Variants in NKAIN3 observed in about 807,000 individuals in gnomAD.
NKAIN3 encodes sodium/potassium transporting ATPase interacting 3.
A neutral mutation model predicts 30.2 loss-of-function variants in NKAIN3; 25 were observed. That is an observed-to-expected ratio of 0.83 (90% CI 0.60 to 1.16). NKAIN3 has a LOEUF of 1.16. NKAIN3 is among the 50% of genes most tolerant of loss of function. NKAIN3 has a pLI of 0.00. For missense variants in NKAIN3, 225 were observed against 254.1 expected, an observed-to-expected ratio of 0.89 and a Z score of 0.78; for synonymous variants, 91 against 89.6, an observed-to-expected ratio of 1.02 and a Z score of -0.09.
At chr8:62,850,629 T>C (rs1819864264) in intron 4 of NKAIN3, among the ~76,000 whole-genome samples, 3 of 152,056 alleles carry the variant, frequency 2.0e-5, no homozygotes, top group South Asian at 4.2e-4. Flanking sequence ...AATTAATTTT[T>C]GTATAAGGTG....
At chr8:62,282,436 A>G (rs907532569) in intron 1 of NKAIN3, among the ~76,000 whole-genome samples, 1 of 152,094 alleles carries the variant, frequency 6.6e-6, no homozygotes, top group Admixed American at 6.6e-5. Flanking sequence ...ACCTCACTTT[A>G]TTAGAGCTTC....
At chr8:62,494,280 A>T (rs1310944011) in intron 1 of NKAIN3, among the ~76,000 whole-genome samples, 2 of 152,140 alleles carry the variant, frequency 1.3e-5, no homozygotes, top group East Asian at 3.9e-4. Context: ...TGAGATAATC[A>T]TGTGGTTTTT....
rs75836125 is a variant in NKAIN3, at chr8:62,480,425, G to A, written c.55-99114G>A. On this transcript the variant is annotated intron_variant, in intron 1 of 6. Coordinates refer to ENST00000623646, the MANE Select transcript of NKAIN3 (RefSeq NM_001304533.3). Reference sequence around the variant, plus strand: ...AATCATACTTTAATAAAGCTGGGGGGAAAATCACTCCATAGCTTGCCATGT... The same window carrying A: ...AATCATACTTTAATAAAGCTGGGGGAAAAATCACTCCATAGCTTGCCATGT... Among the ~76,000 whole-genome samples the A allele has an allele frequency of 2.1e-3, 317 of 151,826 alleles. 2 individuals are homozygous for A. Among genetic ancestry groups the A allele is most frequent in the African/African-American group, 7.3e-3 (300 of 41,348 alleles).
At chr8:62,464,058 G>C (rs1422789171) in intron 1 of NKAIN3, among the ~76,000 whole-genome samples, 4 of 152,160 alleles carry the variant, frequency 2.6e-5, no homozygotes, top group African/African-American at 9.7e-5. Context: ...CCACATAAGT[G>C]ATTTAGTGAA....
chr8:62,425,608 T>G (rs895617995), intron 1 of NKAIN3, among the ~76,000 whole-genome samples: 5 of 151,960 alleles, frequency 3.3e-5, no homozygotes, highest in African/African-American at 1.2e-4. Context: ...GCTAAAGGAA[T>G]GTATTCTATT....
intron 1 of NKAIN3, among the ~76,000 whole-genome samples, chr8:62,339,980 A>C (rs2129590866): frequency 6.6e-6 from 1 of 152,182 alleles, no homozygotes; most frequent in South Asian, 2.1e-4. Flanking sequence ...TTATATCATT[A>C]GGACAAATAG....
intron 4 of NKAIN3, among the ~76,000 whole-genome samples, chr8:62,784,107 A>G (rs999510783): frequency 3.9e-5 from 6 of 152,124 alleles, no homozygotes; most frequent in African/African-American, 1.4e-4. Context: ...ATAACGTATC[A>G]AAATGTACAA....
At chr8:62,698,613 CT>C in intron 3 of NKAIN3, among the ~76,000 whole-genome samples, 1 of 152,168 alleles carries the variant, frequency 6.6e-6, no homozygotes, top group Non-Finnish European at 1.5e-5. Context: ...TACATATACT[CT>C]ACTGTGTACA....
Position 62,312,356 on chromosome 8 carries a change from T to A in NKAIN3, c.54+63229T>A, listed in dbSNP as rs116345749. On this transcript the variant is annotated intron_variant, in intron 1 of 6. Coordinates refer to ENST00000623646, the MANE Select transcript of NKAIN3 (RefSeq NM_001304533.3). ...GGGTTTGGAAGAAAATATTAGGCTC[T>A]TAAGCAAAAAATATTGATGAGCACT... Among the ~76,000 whole-genome samples, 1,444 of 150,746 alleles carry A rather than the reference T, an allele frequency of 9.6e-3. 139 individuals carry two copies. The highest frequency in any genetic ancestry group is 0.034 in the African/African-American group (1,369 of 40,084).
chr8:62,673,028 G>T (rs1428636890), intron 3 of NKAIN3, among the ~76,000 whole-genome samples: 1 of 152,056 alleles, frequency 6.6e-6, no homozygotes, highest in Admixed American at 6.6e-5. Flanking sequence ...CTTTGCAATA[G>T]CCATGTGATT....
At chr8:62,852,734 G>A (rs1303347790) in intron 4 of NKAIN3, among the ~76,000 whole-genome samples, 1 of 152,096 alleles carries the variant, frequency 6.6e-6, no homozygotes, top group African/African-American at 2.4e-5. Context: ...TCAGGAGCAG[G>A]TTGTTCTGTT....
chr8:62,592,448 A>G (rs557555400), intron 3 of NKAIN3, among the ~76,000 whole-genome samples: 1 of 152,200 alleles, frequency 6.6e-6, no homozygotes, highest in South Asian at 2.1e-4. Flanking sequence ...AAAGAAACTG[A>G]GGACAAAAAG....
chr8:62,602,963 C>A (rs1531658), intron 3 of NKAIN3, among the ~76,000 whole-genome samples: 36,091 of 152,024 alleles, frequency 0.24, 4,456 homozygotes, highest in Middle Eastern at 0.35. Flanking sequence ...ACGTAAGCAT[C>A]ATTATCAAGA....
chr8:62,269,747 T>C (rs1008079811), intron 1 of NKAIN3, among the ~76,000 whole-genome samples: 2 of 152,196 alleles, frequency 1.3e-5, no homozygotes, highest in South Asian at 4.1e-4. Flanking sequence ...TGAGTTACTT[T>C]AGGTCAGCAA....
chr8:62,380,558 G>A (rs1817244357), intron 1 of NKAIN3, among the ~76,000 whole-genome samples: 1 of 152,198 alleles, frequency 6.6e-6, no homozygotes, highest in Admixed American at 6.5e-5. Context: ...CTGTGTCAGA[G>A]CTTTGGCAGA....
At position 62,962,045 on chromosome 8, in the gene NKAIN3, A is replaced by G. The variant is rs369111456; in HGVS notation, c.604-3309A>G. Among the ~76,000 whole-genome samples the G allele has an allele frequency of 1.1e-4, 17 of 152,322 alleles. No individual in the cohort carries two copies. The East Asian group carries it at 2.5e-3, about 22-fold the overall frequency. On this transcript the variant is annotated intron_variant, in intron 6 of 6. Coordinates refer to ENST00000623646, the MANE Select transcript of NKAIN3 (RefSeq NM_001304533.3). Reference sequence around the variant, plus strand: ...GCCCAGGCAGTTCTCAACGATAGGAATCACTCCAACAAATAGTTGGATACA... The same window carrying G: ...GCCCAGGCAGTTCTCAACGATAGGAGTCACTCCAACAAATAGTTGGATACA...
intron 3 of NKAIN3, among the ~76,000 whole-genome samples, chr8:62,608,329 A>G (rs1441251332): frequency 6.6e-6 from 1 of 152,204 alleles, no homozygotes. Context: ...TGATCATAAA[A>G]GCCAAAATTT....
In NKAIN3 at chr8:62,575,017, C is replaced by T. The variant is rs561103473; in HGVS notation, c.55-4522C>T. On this transcript the variant is annotated intron_variant, in intron 1 of 6. Coordinates refer to ENST00000623646, the MANE Select transcript of NKAIN3 (RefSeq NM_001304533.3). ...CAATGGACCAACAGCTAGTATCATA[C>T]TGAATAGGGAGAAACTGAAAGTGTT... is the stretch of plus-strand genomic sequence containing the variant. Among the ~76,000 whole-genome samples, 74 of 152,154 alleles carry T rather than the reference C, an allele frequency of 4.9e-4. 1 individual carries two copies. In the South Asian group the frequency reaches 9.8e-3, roughly 20 times the overall value.
intron 4 of NKAIN3, among the ~76,000 whole-genome samples, chr8:62,867,410 C>T (rs1166559781): frequency 6.6e-6 from 1 of 152,224 alleles, no homozygotes; most frequent in East Asian, 1.9e-4. Flanking sequence ...ATAATCAGTA[C>T]ATGATATTCA....
Sources: gnomAD v4.1 joint callset for allele counts (sites outside exome capture counted in the v4.1 genomes callset) on GRCh38, gnomAD v4.1.1 for gene constraint, MANE v1.5 for transcripts, NCBI Gene and HGNC (gene_info 2026-07-23, HGNC 2026-07-21) for gene names.